CCDC91: variants seen among roughly 807,000 people sequenced by gnomAD.
CCDC91 encodes coiled-coil domain containing 91, also known as coiled-coil domain-containing protein 91.
CCDC91 carries 48 observed loss-of-function variants against 63.2 expected under a neutral mutation model. That is an observed-to-expected ratio of 0.76 (90% CI 0.60 to 0.97). The LOEUF (loss-of-function observed/expected upper bound fraction) is 0.97. Ranked by LOEUF, CCDC91 falls within the 50% of genes least tolerant of loss-of-function variation. CCDC91 has a pLI of 0.00. For synonymous variants in CCDC91, 167 were observed against 165.8 expected, an observed-to-expected ratio of 1.01 and a Z score of -0.06; for missense variants, 500 against 494.6, an observed-to-expected ratio of 1.01 and a Z score of -0.10.
intron 8 of CCDC91, among the ~76,000 whole-genome samples, chr12:28,445,941 A>G (rs545068422): frequency 1.3e-5 from 2 of 152,202 alleles, no homozygotes; most frequent in Non-Finnish European, 2.9e-5. Flanking sequence ...AGGGAGGTAA[A>G]AAATATTTAT....
intron 3 of CCDC91, among the ~76,000 whole-genome samples, chr12:28,304,402 GA>G (rs57660180): frequency 0.058 from 5,709 of 98,940 alleles, 147 homozygotes; most frequent in Non-Finnish European, 0.067. Context: ...AAAAAAAAAA[GA>G]AAAAAAAAAA....
intron 7 of CCDC91, among the ~76,000 whole-genome samples, chr12:28,363,595 T>A (rs1944046325): frequency 6.6e-6 from 1 of 152,080 alleles, no homozygotes; most frequent in Non-Finnish European, 1.5e-5. Flanking sequence ...CTTCCGTAAA[T>A]CATTTGGGCC....
At chr12:28,451,511 A>G (rs993594321) in intron 10 of CCDC91, among the ~76,000 whole-genome samples, 1 of 151,694 alleles carries the variant, frequency 6.6e-6, no homozygotes, top group African/African-American at 2.4e-5. Context: ...CAAATTTTAG[A>G]AAACTCGTAT....
chr12:28,438,793 G>T (rs1446125579), intron 8 of CCDC91, among the ~76,000 whole-genome samples: 1 of 152,068 alleles, frequency 6.6e-6, no homozygotes, highest in Non-Finnish European at 1.5e-5. Context: ...ACATAGAATG[G>T]ATTTATCATG....
At chr12:28,354,741 A>G (rs753117534) in intron 6 of CCDC91, among the ~76,000 whole-genome samples, 1 of 152,150 alleles carries the variant, frequency 6.6e-6, no homozygotes, top group Non-Finnish European at 1.5e-5. Context: ...ATTTACTCAA[A>G]CTTTGGAGAC....
chr12:28,466,016 G>T (rs1950532130), intron 11 of CCDC91, among the ~76,000 whole-genome samples: 1 of 152,018 alleles, frequency 6.6e-6, no homozygotes, highest in Non-Finnish European at 1.5e-5. Context: ...AATTGAAAAT[G>T]CAATTGGCAT....
intron 7 of CCDC91, among the ~76,000 whole-genome samples, 189 bp downstream of exon 7, chr12:28,362,704 T>G (rs1592430214): frequency 6.6e-6 from 1 of 152,208 alleles, no homozygotes; most frequent in Non-Finnish European, 1.5e-5. Context: ...TATTAGACAC[T>G]GTTCTGAATT....
At chr12:28,258,946 TA>T in intron 2 of CCDC91, among the ~76,000 whole-genome samples, 1 of 152,202 alleles carries the variant, frequency 6.6e-6, no homozygotes, top group African/African-American at 2.4e-5. Context: ...TTCTTTGAAT[TA>T]ATCTCTAATT....
intron 8 of CCDC91, among the ~76,000 whole-genome samples, chr12:28,394,809 A>G (rs745740468): frequency 1.3e-5 from 2 of 151,930 alleles, no homozygotes; most frequent in East Asian, 1.9e-4. Flanking sequence ...GTCAGACTAT[A>G]TGAATTGATC....
intron 1 of CCDC91, chr12:28,236,930 C>T (rs1592068222): frequency 6.6e-6 from 1 of 152,046 alleles, no homozygotes; most frequent in South Asian, 2.1e-4. Context: ...ATCTCTATCT[C>T]CCTTACAAAG....
intron 8 of CCDC91, among the ~76,000 whole-genome samples, chr12:28,433,277 T>C (rs1948727749): frequency 6.6e-6 from 1 of 152,018 alleles, no homozygotes; most frequent in Non-Finnish European, 1.5e-5. Flanking sequence ...TGGTGTTATA[T>C]TTAAAAGTCA....
chr12:28,202,670 T>A (rs899876339), intron 1 of CCDC91, among the ~76,000 whole-genome samples: 41 of 152,262 alleles, frequency 2.7e-4, no homozygotes, highest in African/African-American at 9.9e-4. Flanking sequence ...TAGCTTTTAG[T>A]TCCCACTTGT....
At chr12:28,250,742 A>G (rs540414963) in intron 1 of CCDC91, among the ~76,000 whole-genome samples, 2 of 152,072 alleles carry the variant, frequency 1.3e-5, no homozygotes, top group Non-Finnish European at 2.9e-5. Flanking sequence ...AGCCCTTACT[A>G]TGTGCTAGGA....
chr12:28,409,560 A>C (rs1947187083), intron 8 of CCDC91, among the ~76,000 whole-genome samples: 1 of 151,982 alleles, frequency 6.6e-6, no homozygotes. Context: ...TTTCTTCTGA[A>C]ACCTTTATTA....
chr12:28,240,306 C>T (rs1378778181), intron 1 of CCDC91, among the ~76,000 whole-genome samples: 1 of 152,088 alleles, frequency 6.6e-6, no homozygotes, highest in Non-Finnish European at 1.5e-5. Context: ...AATGCTTTAA[C>T]GAATAGATTA....
At chr12:28,524,896 A>G (rs1941120424) in intron 12 of CCDC91, among the ~76,000 whole-genome samples, 1 of 152,138 alleles carries the variant, frequency 6.6e-6, no homozygotes, top group South Asian at 2.1e-4. Context: ...AGGTGTTCAT[A>G]GTAGCTTTGA....
At chr12:28,232,799 A>C (rs1220584465) in intron 1 of CCDC91, among the ~76,000 whole-genome samples, 1 of 151,932 alleles carries the variant, frequency 6.6e-6, no homozygotes, top group Non-Finnish European at 1.5e-5. Context: ...TCTATGTGAT[A>C]ATTCTTGTGT....
chr12:28,209,821 A>G (rs1425625211), intron 1 of CCDC91, among the ~76,000 whole-genome samples: 1 of 140,418 alleles, frequency 7.1e-6, no homozygotes, highest in African/African-American at 2.6e-5. Flanking sequence ...CTTTGCAAAA[A>G]TTTACATCCC....
At chr12:28,194,487 T>G (rs1941566438) in intron 1 of CCDC91, among the ~76,000 whole-genome samples, 1 of 152,156 alleles carries the variant, frequency 6.6e-6, no homozygotes, top group Admixed American at 6.5e-5. Context: ...TTCCTTCTGG[T>G]GGGTCCATGG....
Sources: allele counts gnomAD v4.1 joint callset (sites outside exome capture counted in the v4.1 genomes callset), GRCh38; gene constraint gnomAD v4.1.1; transcripts MANE v1.5; gene names NCBI Gene and HGNC (gene_info 2026-07-23, HGNC 2026-07-21).